ZNF717: variants seen among roughly 807,000 people sequenced by gnomAD.
ZNF717 encodes the protein zinc finger protein 717.
Under a neutral mutation model 13.8 loss-of-function variants are expected in ZNF717, and 9 were observed. The observed-to-expected ratio is 0.65, with a 90% confidence interval of 0.39 to 1.14. ZNF717 has a LOEUF of 1.14. ZNF717 is among the 50% of genes most tolerant of loss of function. The pLI is 0.01. For synonymous variants in ZNF717, 327 were observed against 364.1 expected (o/e 0.90, Z 1.16); for missense variants, 1,040 against 1,080.7 (o/e 0.96, Z 0.53).
At chr3:75,774,409 T>G (rs1944144961) in intron 2 of ZNF717, among the ~76,000 whole-genome samples, 1 of 152,074 alleles carries the variant, frequency 6.6e-6, no homozygotes, top group Non-Finnish European at 1.5e-5. Flanking sequence ...ACTTCAAAAC[T>G]GTCTTCTCTG....
chr3:75,732,227 T>C (rs912202016), downstream of ZNF717: 488 of 668,710 alleles, frequency 7.3e-4, no homozygotes, highest in African/African-American at 6.0e-3. Flanking sequence ...TAACCTGCTC[T>C]CATATAACCA....
intron 5 of ZNF717, among the ~76,000 whole-genome samples, chr3:75,714,980 T>G (rs1938017655): frequency 1.3e-5 from 2 of 152,174 alleles, no homozygotes; most frequent in African/African-American, 4.8e-5. Flanking sequence ...GGTTCTTTTA[T>G]TTTAGACTTT....
In ZNF717 at chr3:75,739,675, C is replaced by CT. The variant is rs3035107; in HGVS notation, c.278-331dup. On this transcript the variant is annotated intron_variant, in intron 4 of 4. Transcript: ENST00000652011. ...CTCATTATTGTCATATGTTTTCTCTCTTTTTTTTTATTTATTCATATAACA... is the reference window on the plus strand; with the variant it reads ...CTCATTATTGTCATATGTTTTCTCTCTTTTTTTTTTATTTATTCATATAACA... Among the ~76,000 whole-genome samples, 164 of 52,966 alleles carry CT rather than the reference C, an allele frequency of 3.1e-3. 1 individual carries two copies. The East Asian group carries it at 0.083, about 27-fold the overall frequency. The allele number at this position is 52,966 out of a possible 152,430, so 34.7% of individuals were successfully genotyped here. A position where few individuals can be genotyped will look rare whatever the true frequency, so the allele number is the denominator to read the frequency against.
In ZNF717 at chr3:75,737,293, T is replaced by C; in HGVS notation, c.2330A>G (p.Gln777Arg). The change falls in exon 5 of 5, where the codon CAG becomes CGG. Residue 777 changes from glutamine (Q) to arginine (R), a missense_variant. Transcript: ENST00000652011. ...FCHKSNLSTHQGTHSGEKPYE... is the reference protein window; with the variant it reads ...FCHKSNLSTHRGTHSGEKPYE... ...GGGTTTCTCTCCTGAGTGAGTCCCC[T>C]GATGCGTACTGAGGTTTGACTTGTG... is the stretch of plus-strand genomic sequence containing the variant. 1.3e-6 allele frequency: 2 copies of C among 1,552,912 alleles called. No individual in the cohort carries two copies. Among genetic ancestry groups the C allele is most frequent in the South Asian group, 1.2e-5 (1 of 84,128 alleles).
Position 75,767,696 on chromosome 3 carries a change from C to A in ZNF717, c.57+15610G>T, listed in dbSNP as rs140545851. 6.7e-3 allele frequency among the ~76,000 whole-genome samples: 1,026 copies of A among 152,256 alleles called. 1 individual carries two copies. The highest frequency in any genetic ancestry group is 0.023 in the African/African-American group (965 of 41,514). On this transcript the variant is annotated intron_variant, in intron 2 of 4. Coordinates refer to ENST00000652011, the MANE Select transcript of ZNF717 (RefSeq NM_001290208.3). ...GGAAACTGAAAGGGCACTGCACCAT[C>A]TCAGGGATCTGCCTAAGGAGACATC...
chr3:75,729,371 T>G (rs1938380145), downstream of ZNF717, among the ~76,000 whole-genome samples: 2 of 152,238 alleles, frequency 1.3e-5, no homozygotes, highest in African/African-American at 2.4e-5. Context: ...ATCCCAGCAC[T>G]CTAAGAGGCT....
intron 2 of ZNF717, among the ~76,000 whole-genome samples, chr3:75,759,369 G>A (rs553064869): frequency 8.0e-5 from 12 of 150,046 alleles, no homozygotes; most frequent in East Asian, 7.9e-4. Context: ...TCCACCTCCC[G>A]GGTTCACACC....
At position 75,737,463 on chromosome 3, in the gene ZNF717, G is replaced by A; in HGVS notation, c.2160C>T (p.Ser720=). The part of the protein sequence containing the change: ...NPFIRRQIFR[S]IKVFTRGRNP... Reference sequence around the variant, plus strand: ...TTCTCCCCCGTGTGAATACCTTGATGCTTCTGAAGATTTGCCTTCTGATGA... The same window carrying A: ...TTCTCCCCCGTGTGAATACCTTGATACTTCTGAAGATTTGCCTTCTGATGA... The change falls in exon 5 of 5, where the codon AGC becomes AGT. Residue 720 remains serine, a synonymous_variant. Coordinates refer to ENST00000652011, the MANE Select transcript of ZNF717 (RefSeq NM_001290208.3). 1 of 1,555,458 alleles carries A rather than the reference G, an allele frequency of 6.4e-7. No homozygotes were observed. The highest frequency in any genetic ancestry group is 1.2e-5 in the South Asian group (1 of 84,274).
chr3:75,764,052 CCT>C (rs778289696), intron 2 of ZNF717, among the ~76,000 whole-genome samples: 4 of 152,194 alleles, frequency 2.6e-5, no homozygotes, highest in East Asian at 1.9e-4. Context: ...CAACCCTGCC[CCT>C]GTCATTACAG....
At chr3:75,713,107 G>A (rs1457458790) in intron 5 of ZNF717, among the ~76,000 whole-genome samples, 12 of 152,004 alleles carry the variant, frequency 7.9e-5, no homozygotes, top group Admixed American at 7.2e-4. Flanking sequence ...GTGGGATCCT[G>A]TTCCCCCACC....
intron 1 of ZNF717, chr3:75,784,871 C>T (rs1024435751): frequency 6.6e-6 from 1 of 152,176 alleles, no homozygotes; most frequent in Non-Finnish European, 1.5e-5. Flanking sequence ...TCATAGGGAA[C>T]CCTCCCTTTC....
At chr3:75,696,324 T>C (rs1575756470) in intron 6 of ZNF717, among the ~76,000 whole-genome samples, 1 of 152,428 alleles carries the variant, frequency 6.6e-6, no homozygotes, top group East Asian at 1.9e-4. Context: ...TAAAAAAGTC[T>C]GTAGGACCAG....
At chr3:75,764,436 T>A (rs926423156) in intron 2 of ZNF717, among the ~76,000 whole-genome samples, 4 of 152,144 alleles carry the variant, frequency 2.6e-5, no homozygotes, top group Non-Finnish European at 5.9e-5. Flanking sequence ...AATAACATAA[T>A]CTATACCATG....
At chr3:75,767,096 C>T (rs112097258) in intron 2 of ZNF717, among the ~76,000 whole-genome samples, 174 of 152,252 alleles carry the variant, frequency 1.1e-3, no homozygotes, top group African/African-American at 4.0e-3. Context: ...AGAAGCCAGG[C>T]TGAGAGAACG....
chr3:75,769,552 AC>A (rs1352164673), intron 2 of ZNF717, among the ~76,000 whole-genome samples: 1 of 152,224 alleles, frequency 6.6e-6, no homozygotes, highest in Non-Finnish European at 1.5e-5. Context: ...GATAATTAAA[AC>A]GTTGAAAAAC....
chr3:75,705,996 A>G (rs2918568), downstream of ZNF717, among the ~76,000 whole-genome samples: 114,805 of 147,694 alleles, frequency 0.78, 40,958 homozygotes, highest in Non-Finnish European at 0.82. Context: ...AACCAGGGAC[A>G]TGACACCTAT....
intron 6 of ZNF717, among the ~76,000 whole-genome samples, chr3:75,695,270 T>TCA (rs1937591230): frequency 6.6e-6 from 1 of 152,274 alleles, no homozygotes; most frequent in African/African-American, 2.4e-5. Context: ...AAGAGATCAA[T>TCA]TCAAGAGGAT....
chr3:75,758,505 C>T (rs56724332), intron 2 of ZNF717, among the ~76,000 whole-genome samples: 14,233 of 152,168 alleles, frequency 0.094, 1,132 homozygotes, highest in African/African-American at 0.21. Context: ...TACAGCAGTA[C>T]GAAGGCCTGA....
intron 2 of ZNF717, among the ~76,000 whole-genome samples, chr3:75,751,321 T>C (rs1454000293): frequency 6.6e-6 from 1 of 151,690 alleles, no homozygotes; most frequent in Non-Finnish European, 1.5e-5. Context: ...TGTTTGTCCC[T>C]CACATAGGAT....
Sources: allele counts gnomAD v4.1 joint callset (sites outside exome capture counted in the v4.1 genomes callset), GRCh38; gene constraint gnomAD v4.1.1; transcripts MANE v1.5; gene names NCBI Gene and HGNC (gene_info 2026-07-23, HGNC 2026-07-21).